FGGY: variants seen among roughly 807,000 people sequenced by gnomAD.
The protein encoded by FGGY is FGGY carbohydrate kinase domain containing.
Under a neutral mutation model 71.3 loss-of-function variants are expected in FGGY, and 72 were observed. That is an observed-to-expected ratio of 1.01 (90% CI 0.84 to 1.23). The LOEUF is 1.23. FGGY is among the 50% of genes most tolerant of loss of function. The pLI, the probability that FGGY is intolerant of heterozygous loss-of-function variation, is 0.00. For missense variants in FGGY, 668 were observed against 682.3 expected, an observed-to-expected ratio of 0.98 and a Z score of 0.23; for synonymous variants, 251 against 250.3, an observed-to-expected ratio of 1.00 and a Z score of -0.02.
chr1:59,415,186 G>A (rs1319984045), intron 5 of FGGY, among the ~76,000 whole-genome samples: 1 of 151,968 alleles, frequency 6.6e-6, no homozygotes, highest in Non-Finnish European at 1.5e-5. Flanking sequence ...AAAAGCTTTG[G>A]GAAGATCAAA....
At chr1:59,414,390 G>A (rs1249564055) in intron 5 of FGGY, among the ~76,000 whole-genome samples, 2 of 152,166 alleles carry the variant, frequency 1.3e-5, no homozygotes, top group African/African-American at 2.4e-5. Context: ...TTCAAGGAAG[G>A]GGATGGATAA....
chr1:59,617,407 T>G (rs1254585912), intron 9 of FGGY, among the ~76,000 whole-genome samples: 2 of 152,240 alleles, frequency 1.3e-5, no homozygotes, highest in Admixed American at 1.3e-4. Flanking sequence ...TAGATTTGTA[T>G]TTTTAAAAAA....
At chr1:59,540,541 A>G (rs1353339756) in intron 7 of FGGY, among the ~76,000 whole-genome samples, 1 of 152,214 alleles carries the variant, frequency 6.6e-6, no homozygotes, top group Non-Finnish European at 1.5e-5. Context: ...GACAGTGGTT[A>G]TCTCTGGCAA....
chr1:59,459,462 A>G (rs530672613), intron 6 of FGGY, among the ~76,000 whole-genome samples: 77 of 152,334 alleles, frequency 5.1e-4, no homozygotes, highest in Non-Finnish European at 7.1e-4. Flanking sequence ...AATTGAATAG[A>G]AATTTCTTTA....
chr1:59,711,732 T>C (rs2097795672), intron 14 of FGGY, among the ~76,000 whole-genome samples: 1 of 152,118 alleles, frequency 6.6e-6, no homozygotes, highest in Non-Finnish European at 1.5e-5. Flanking sequence ...TTTAAAACCA[T>C]CAGATCTTGC....
intron 8 of FGGY, among the ~76,000 whole-genome samples, chr1:59,562,383 C>T (rs2095805485): frequency 1.3e-5 from 2 of 152,216 alleles, no homozygotes; most frequent in African/African-American, 4.8e-5. Context: ...ATTAATTCTT[C>T]CAGGCAACTT....
rs529356864 is a variant in FGGY, at chr1:59,667,471, G to T, written c.1417+68G>T. 5.7e-6 allele frequency: 9 copies of T among 1,578,832 alleles called. No homozygotes were observed. In the East Asian group the frequency reaches 1.6e-4, roughly 28 times the overall value. ...CAGCAAATGGGCATGGCCAAGTTCT[G>T]GGTGAAGTGAGAATAGGAGGATATA... On this transcript the variant is annotated intron_variant, in intron 13 of 15. Coordinates refer to ENST00000303721, the MANE Select transcript of FGGY (RefSeq NM_018291.5).
intron 5 of FGGY, among the ~76,000 whole-genome samples, chr1:59,390,088 TTCAGTCATCCTC>T (rs1330832713): frequency 6.6e-6 from 1 of 152,162 alleles, no homozygotes; most frequent in East Asian, 1.9e-4. Flanking sequence ...CTAGGAAGGA[TTCAGTCATCCTC>T]TCTCACCAGC....
At chr1:59,541,728 G>C (rs61299929) in intron 7 of FGGY, among the ~76,000 whole-genome samples, 1 of 152,106 alleles carries the variant, frequency 6.6e-6, no homozygotes, top group African/African-American at 2.4e-5. Context: ...CGAAAGAAAT[G>C]TGTACTTCAA....
chr1:59,590,742 C>T (rs1348613723), intron 8 of FGGY, among the ~76,000 whole-genome samples: 2 of 152,042 alleles, frequency 1.3e-5, no homozygotes, highest in Non-Finnish European at 2.9e-5. Flanking sequence ...TCAACAACGC[C>T]TTATGCTAAA....
At chr1:59,432,667 C>T (rs926725135) in intron 5 of FGGY, among the ~76,000 whole-genome samples, 2 of 152,208 alleles carry the variant, frequency 1.3e-5, no homozygotes, top group East Asian at 3.8e-4. Flanking sequence ...TTTTGTGCCT[C>T]CTGTCTGTCT....
chr1:59,615,400 A>T (rs139093334), intron 9 of FGGY, among the ~76,000 whole-genome samples: 4,906 of 152,298 alleles, frequency 0.032, 111 homozygotes, highest in African/African-American at 0.066. Context: ...TGGGGAAAGG[A>T]TTCCCTATTT....
intron 9 of FGGY, among the ~76,000 whole-genome samples, chr1:59,619,980 C>A (rs1439961717): frequency 6.6e-6 from 1 of 151,892 alleles, no homozygotes; most frequent in African/African-American, 2.4e-5. Flanking sequence ...GACCTTCACA[C>A]CCTGATGGAT....
At chr1:59,704,691 T>G (rs1359179388) in intron 14 of FGGY, among the ~76,000 whole-genome samples, 1 of 152,218 alleles carries the variant, frequency 6.6e-6, no homozygotes, top group Non-Finnish European at 1.5e-5. Context: ...AATGTGTTGA[T>G]AGACCTTTAG....
intron 7 of FGGY, among the ~76,000 whole-genome samples, chr1:59,532,530 T>C (rs1439381527): frequency 6.6e-6 from 1 of 152,174 alleles, no homozygotes; most frequent in African/African-American, 2.4e-5. Context: ...AATAATCAAT[T>C]AATGCAATTC....
chr1:59,533,656 G>T (rs553392913), intron 7 of FGGY, among the ~76,000 whole-genome samples: 7 of 152,288 alleles, frequency 4.6e-5, no homozygotes, highest in South Asian at 2.1e-4. Context: ...ACCTGAGAAC[G>T]GGCAGACTGC....
intron 8 of FGGY, among the ~76,000 whole-genome samples, chr1:59,588,351 C>A (rs1350879316): frequency 1.3e-5 from 2 of 151,940 alleles, no homozygotes; most frequent in Non-Finnish European, 2.9e-5. Flanking sequence ...GAGAATGGAA[C>A]CAAGTTGAAA....
intron 4 of FGGY, among the ~76,000 whole-genome samples, chr1:59,348,687 C>T (rs188775250): frequency 0.024 from 3,707 of 152,152 alleles, 170 homozygotes; most frequent in African/African-American, 0.085. Context: ...GAGAGGGTGC[C>T]TAAGGATTGC....
chr1:59,761,948 A>C (rs1254386968), intron 15 of FGGY, among the ~76,000 whole-genome samples: 1 of 152,234 alleles, frequency 6.6e-6, no homozygotes, highest in Admixed American at 6.5e-5. Flanking sequence ...AAGAGTCTCC[A>C]TTAAGTCCGG....
Sources: gnomAD v4.1 joint callset for allele counts (sites outside exome capture counted in the v4.1 genomes callset) on GRCh38, gnomAD v4.1.1 for gene constraint, MANE v1.5 for transcripts, NCBI Gene and HGNC (gene_info 2026-07-23, HGNC 2026-07-21) for gene names.